The following DNM2 variants were observed in gnomAD, a reference collection of about 807,000 sequenced individuals.
DNM2 encodes dynamin-2.
DNM2 carries 15 observed loss-of-function variants against 99.0 expected under a neutral mutation model. That is an observed-to-expected ratio of 0.15 (90% CI 0.10 to 0.23). The LOEUF is 0.23. DNM2 is among the 10% of genes least tolerant of loss of function. The pLI is 1.00. For missense variants in DNM2, 742 were observed against 1,189.4 expected, an observed-to-expected ratio of 0.62 and a Z score of 5.53; for synonymous variants, 525 against 481.2, an observed-to-expected ratio of 1.09 and a Z score of -1.19.
Position 10,765,944 on chromosome 19 carries a change from G to A in DNM2, c.235+6133G>A, listed in dbSNP as rs542019515. ...TGGGACCCTAGCCCAGCCCCTGAGG[G>A]TTCCCTGAGACTAACAGCTGAGCCG... On this transcript the variant is annotated intron_variant, in intron 2 of 20. Coordinates refer to ENST00000389253, the MANE Select transcript of DNM2 (RefSeq NM_001005361.3). This position sits in a 1 kb window ranked among gnomAD's most constrained non-coding sequence, Gnocchi z 4.4. Among the ~76,000 whole-genome samples the A allele has an allele frequency of 6.6e-6, 1 of 152,298 alleles. No homozygotes were observed. Among genetic ancestry groups the A allele is most frequent in the Non-Finnish European group, 1.5e-5 (1 of 68,012 alleles).
intron 1 of DNM2, among the ~76,000 whole-genome samples, chr19:10,729,184 A>AT (rs1568265447): frequency 1.4e-4 from 17 of 123,178 alleles, no homozygotes; most frequent in African/African-American, 5.5e-4. Context: ...AAAAAAAAAA[A>AT]AAAAAATATA....
At position 10,786,619 on chromosome 19, in the gene DNM2, G is replaced by A. The variant is rs766729027; in HGVS notation, c.905G>A (p.Ser302Asn). Residue 302 changes from serine to asparagine, a missense_variant, in exon 7 of 21, where the codon AGC becomes AAC. Ser to Asn is a conservative substitution (Grantham distance 46). Around this residue, in one of 7 missense-constraint regions of DNM2, gnomAD observed 44 missense variants for 41.3 expected, o/e 1.06. Coordinates refer to ENST00000389253, the MANE Select transcript of DNM2 (RefSeq NM_001005361.3). ...CCGGCCCTACGTAGCAAACTACAGAGCCAGCTGCTGTCCCTGGAGAAGGAG... is the reference window on the plus strand; with the variant it reads ...CCGGCCCTACGTAGCAAACTACAGAACCAGCTGCTGTCCCTGGAGAAGGAG... ...SLPALRSKLQ[S>N]QLLSLEKEVE... The A allele has an allele frequency of 6.2e-6, 10 of 1,614,138 alleles. No individual in the cohort carries two copies. The South Asian group carries it at 1.1e-4, about 18-fold the overall frequency.
At chr19:10,747,313 A>C (rs1599468344) in intron 1 of DNM2, among the ~76,000 whole-genome samples, 1 of 152,058 alleles carries the variant, frequency 6.6e-6, no homozygotes, top group African/African-American at 2.4e-5. Flanking sequence ...AGGTTACCTG[A>C]CCTGCCCATC....
chr19:10,821,798 T>G (rs995184758), intron 16 of DNM2, among the ~76,000 whole-genome samples: 5 of 152,122 alleles, frequency 3.3e-5, no homozygotes, highest in African/African-American at 1.2e-4. Context: ...CCCAAAGTGC[T>G]GGGATTACAG....
At chr19:10,757,249 TTGG>T (rs1367091806) in intron 1 of DNM2, among the ~76,000 whole-genome samples, 2 of 151,164 alleles carry the variant, frequency 1.3e-5, no homozygotes. Flanking sequence ...CGCCGAGGGC[TTGG>T]GCTGACTTGT....
intron 17 of DNM2, 90 bp from the exon 18 acceptor site, chr19:10,824,967 T>C (rs1454043152): frequency 1.2e-6 from 2 of 1,602,014 alleles, no homozygotes; most frequent in African/African-American, 2.7e-5. Context: ...AGGTCAGTTA[T>C]TGGTGGGACA....
chr19:10,782,185 A>G (rs1400759975), intron 5 of DNM2, among the ~76,000 whole-genome samples: 2 of 151,822 alleles, frequency 1.3e-5, no homozygotes, highest in East Asian at 3.9e-4. Context: ...CACGTGTGCT[A>G]CCACGCCTCG....
At chr19:10,793,507 A>G (rs901296344) in intron 7 of DNM2, among the ~76,000 whole-genome samples, 2 of 152,222 alleles carry the variant, frequency 1.3e-5, no homozygotes, top group Admixed American at 6.5e-5. Context: ...GAATGGGTGA[A>G]TAATCGGAAC....
intron 5 of DNM2, among the ~76,000 whole-genome samples, chr19:10,777,657 C>A (rs2071199467): frequency 6.6e-6 from 1 of 152,188 alleles, no homozygotes; most frequent in Non-Finnish European, 1.5e-5. Context: ...TACAGTGGCA[C>A]AATCTCAGCT....
intron 1 of DNM2, among the ~76,000 whole-genome samples, chr19:10,729,041 C>T (rs967226930): frequency 2.7e-5 from 4 of 150,720 alleles, no homozygotes; most frequent in African/African-American, 4.9e-5. Context: ...GCCAACATGG[C>T]GAAACCCCAT....
intron 15 of DNM2, among the ~76,000 whole-genome samples, chr19:10,814,086 T>C (rs2072648976): frequency 6.6e-6 from 1 of 151,872 alleles, no homozygotes; most frequent in Non-Finnish European, 1.5e-5. Flanking sequence ...CACCGGAACC[T>C]GGGAGGTGGA....
chr19:10,776,586 G>A (rs575078487), intron 4 of DNM2, among the ~76,000 whole-genome samples: 1 of 152,340 alleles, frequency 6.6e-6, no homozygotes, highest in African/African-American at 2.4e-5. Context: ...GCCCCCGTGG[G>A]AGCAGTTGAT....
In DNM2 at chr19:10,795,113, G is replaced by A. The variant is rs1346282629; in HGVS notation, c.1129-259G>A. Reference sequence around the variant, plus strand: ...TTTTTGTATTTTTAGTAGAGATGGGGTCTCACTATGTTGCCCAGGCTGGTC... The same window carrying A: ...TTTTTGTATTTTTAGTAGAGATGGGATCTCACTATGTTGCCCAGGCTGGTC... On this transcript the variant is annotated intron_variant, in intron 8 of 20. Coordinates refer to ENST00000389253, the MANE Select transcript of DNM2 (RefSeq NM_001005361.3). The surrounding 1 kb of genome is among the most constrained non-coding windows in gnomAD (Gnocchi z 4.2). 6.6e-6 allele frequency among the ~76,000 whole-genome samples: 1 copy of A among 152,110 alleles called. No homozygotes were observed. The highest frequency in any genetic ancestry group is 1.5e-5 in the Non-Finnish European group (1 of 68,038).
chr19:10,821,750 C>T (rs985206456), intron 16 of DNM2, among the ~76,000 whole-genome samples: 3 of 152,106 alleles, frequency 2.0e-5, no homozygotes, highest in East Asian at 1.9e-4. Context: ...AGGCTGGGCT[C>T]GAACTCCCAA....
rs554812667 is a variant in DNM2, at chr19:10,756,267, A to G, written c.162-3471A>G. ...GCTTGTTCCCTCAGTCCCCCTGCTC[A>G]GAGAACCCTCTCCAATTATCCCAGC... On this transcript the variant is annotated intron_variant, in intron 1 of 20. Transcript: ENST00000389253. Among the ~76,000 whole-genome samples, 20 of 152,044 alleles carry G rather than the reference A, an allele frequency of 1.3e-4. No homozygotes were observed. The East Asian group carries it at 3.9e-3, about 29-fold the overall frequency.
intron 11 of DNM2, among the ~76,000 whole-genome samples, chr19:10,801,938 T>G (rs1279410285): frequency 6.7e-6 from 1 of 148,876 alleles, no homozygotes; most frequent in Non-Finnish European, 1.5e-5. Flanking sequence ...AAAAAACAAC[T>G]GCACATTATT....
At position 10,786,720 on chromosome 19, in the gene DNM2, C is replaced by A. The variant is rs755293939; in HGVS notation, c.992+14C>A. The A allele has an allele frequency of 6.2e-7, 1 of 1,613,964 alleles. No homozygotes were observed. The highest frequency in any genetic ancestry group is 8.5e-7 in the Non-Finnish European group (1 of 1,179,996). ...AGCCCTGCTGCAGTATGTACCCCGG[C>A]ACCCACCACCACCACCACCCTGGCC... On this transcript the variant is annotated intron_variant, in intron 7 of 20. Transcript: ENST00000389253.
In DNM2 at chr19:10,718,255, G is replaced by A; in HGVS notation, c.13G>A (p.Gly5Arg). 6.7e-7 allele frequency: 1 copy of A among 1,484,332 alleles called. No homozygotes were observed. The highest frequency in any genetic ancestry group is 9.0e-7 in the Non-Finnish European group (1 of 1,115,614). 91.9% of individuals were successfully genotyped at this position (1,484,332 alleles called of 1,614,324 possible). A position where few individuals can be genotyped will look rare whatever the true frequency, so the allele number is the denominator to read the frequency against. Residue 5 changes from glycine (G) to arginine (R), a missense_variant, in exon 1 of 21, where the codon GGG becomes AGG. Coordinates refer to ENST00000389253, the MANE Select transcript of DNM2 (RefSeq NM_001005361.3). ...GGCCGCCGGCGCCATGGGCAACCGCGGGATGGAAGAGCTGATCCCGCTGGT... is the reference window on the plus strand; with the variant it reads ...GGCCGCCGGCGCCATGGGCAACCGCAGGATGGAAGAGCTGATCCCGCTGGT... MGNRGMEELIPLVNK... is the reference protein window; with the variant it reads MGNRRMEELIPLVNK...
At chr19:10,803,183 C>T (rs1404570961) in intron 12 of DNM2, among the ~76,000 whole-genome samples, 2 of 152,154 alleles carry the variant, frequency 1.3e-5, no homozygotes, top group African/African-American at 2.4e-5. Flanking sequence ...GTCCAGAGGG[C>T]GGCCACTGGG....
Sources: gnomAD v4.1 joint callset for allele counts (sites outside exome capture counted in the v4.1 genomes callset) on GRCh38, gnomAD v4.1.1 for gene constraint, gnomAD v4.1.1 regional missense constraint, Gnocchi (gnomAD v3.1) non-coding constraint, MANE v1.5 for transcripts, NCBI Gene and HGNC (gene_info 2026-07-23, HGNC 2026-07-21) for gene names.